Variants in ATP5PO observed in about 807,000 individuals in gnomAD.
ATP5PO encodes ATP synthase peripheral stalk subunit OSCP.
Under a neutral mutation model 26.2 loss-of-function variants are expected in ATP5PO, and 14 were observed. That is an observed-to-expected ratio of 0.53 (90% confidence interval 0.35 to 0.83). The LOEUF is 0.83. Ranked by LOEUF, ATP5PO falls within the 40% of genes least tolerant of loss-of-function variation. The pLI is 0.01. For missense variants in ATP5PO, 241 were observed against 258.5 expected (o/e 0.93, Z 0.46); for synonymous variants, 106 against 95.1 (o/e 1.12, Z -0.67).
intron 1 of ATP5PO, 133 bp downstream of exon 1, chr21:33,915,595 C>T: frequency 7.3e-7 from 1 of 1,360,688 alleles, no homozygotes; most frequent in Non-Finnish European, 9.9e-7. Context: ...GTCGCTCCCA[C>T]TCGCCAGGTC....
chr21:33,905,932 A>AAAAAAAAAAAAAAAAAAAAAAT (rs1987165846), intron 5 of ATP5PO, among the ~76,000 whole-genome samples: 1 of 150,956 alleles, frequency 6.6e-6, no homozygotes, highest in Non-Finnish European at 1.5e-5. Context: ...AAAAAAAAAA[A>AAAAAAAAAAAAAAAAAAAAAAT]AAAAAAGAAA....
At chr21:33,908,169 CAAAA>C (rs34768404) in intron 4 of ATP5PO, among the ~76,000 whole-genome samples, 3,913 of 97,640 alleles carry the variant, frequency 0.04, 166 homozygotes, top group African/African-American at 0.15. Context: ...CACCCAGGCT[CAAAA>C]AAAAAAAAAA....
chr21:33,908,919 G>A lies in ATP5PO; in HGVS notation c.328+163C>T. ...TCAATGTGCAAACGATTCACTTAGGGAGCTGGTTAAGATACAGACTCTGAT... is the reference window on the plus strand; with the variant it reads ...TCAATGTGCAAACGATTCACTTAGGAAGCTGGTTAAGATACAGACTCTGAT... On this transcript the variant is annotated intron_variant, in intron 4 of 6. Transcript: ENST00000290299. The A allele has an allele frequency of 4.2e-6, 3 of 710,026 alleles. No homozygotes were observed. In the East Asian group the frequency reaches 8.3e-5, roughly 20 times the overall value. 44.0% of individuals were successfully genotyped at this position (710,026 alleles called of 1,614,324 possible). A position where few individuals can be genotyped will look rare whatever the true frequency, so the allele number is the denominator to read the frequency against.
intron 3 of ATP5PO, among the ~76,000 whole-genome samples, chr21:33,911,698 T>C (rs1020732563): frequency 7.9e-6 from 1 of 126,752 alleles, no homozygotes; most frequent in Admixed American, 9.6e-5. Flanking sequence ...AGACGGAGTC[T>C]CGTACCGTCC....
At chr21:33,912,501 C>G (rs1987263015) in intron 2 of ATP5PO, 102 bp from the exon 3 acceptor site, 1 of 724,510 alleles carries the variant, frequency 1.4e-6, no homozygotes, top group African/African-American at 1.8e-5. Context: ...AAAAATGTAT[C>G]TCTTTAACAC....
chr21:33,909,137 G>C lies in ATP5PO; in HGVS notation c.273C>G (p.Ser91Arg), dbSNP rs766863000. The C allele has an allele frequency of 4.3e-6, 7 of 1,613,266 alleles. No homozygotes were observed. The East Asian group carries it at 1.6e-4, about 36-fold the overall frequency. Residue 91 changes from serine (S) to arginine (R), a missense_variant, in exon 4 of 7, where the codon AGC becomes AGG. Ser to Arg is a moderately radical substitution (Grantham distance 110). This residue lies in a region of ATP5PO where 125 missense variants were observed against 108.5 expected (regional missense o/e 1.15). Transcript: ENST00000290299. ...PYVKRSIKVK[S>R]LNDITAKERF... Reference sequence around the variant, plus strand: ...TCTCTTTTGCTGTGATGTCATTTAGGCTTTTCACTTTAATGGAACGCTTCA... The same window carrying C: ...TCTCTTTTGCTGTGATGTCATTTAGCCTTTTCACTTTAATGGAACGCTTCA...
At chr21:33,909,507 C>A (rs1987221431) in intron 3 of ATP5PO, among the ~76,000 whole-genome samples, 1 of 152,160 alleles carries the variant, frequency 6.6e-6, no homozygotes, top group African/African-American at 2.4e-5. Flanking sequence ...CTCGAGTGAT[C>A]CACCCACCTC....
chr21:33,912,032 C>T (rs1433674583), intron 3 of ATP5PO, among the ~76,000 whole-genome samples: 6 of 152,096 alleles, frequency 3.9e-5, no homozygotes, highest in Non-Finnish European at 7.4e-5. Flanking sequence ...AATTACCATC[C>T]ATTTTAATCT....
Position 33,915,749 on chromosome 21 carries a change from T to C in ATP5PO, c.15A>G (p.Ala5=). MAAP[A]VSGLSRQVRC... Reference sequence around the variant, plus strand: ...TCACCTGCCGGGAGAGCCCGGACACTGCTGGGGCAGCCATCTTCTCCCGGG... The same window carrying C: ...TCACCTGCCGGGAGAGCCCGGACACCGCTGGGGCAGCCATCTTCTCCCGGG... The change falls in exon 1 of 7, where the codon GCA becomes GCG. Residue 5 remains alanine (A), a synonymous_variant. Coordinates refer to ENST00000290299, the MANE Select transcript of ATP5PO (RefSeq NM_001697.3). 6.3e-7 allele frequency: 1 copy of C among 1,577,034 alleles called. No individual in the cohort carries two copies. The highest frequency in any genetic ancestry group is 8.6e-7 in the Non-Finnish European group (1 of 1,161,476).
intron 2 of ATP5PO, 65 bp downstream of exon 2, chr21:33,914,385 T>G: frequency 6.6e-7 from 1 of 1,504,190 alleles, no homozygotes. Context: ...ACGCCCTGAC[T>G]GTACTGCTGT....
chr21:33,904,987 C>G (rs557485988), intron 5 of ATP5PO, among the ~76,000 whole-genome samples: 1 of 152,052 alleles, frequency 6.6e-6, no homozygotes, highest in African/African-American at 2.4e-5. Flanking sequence ...GTGATCCACC[C>G]GCTGCAGTCT....
At chr21:33,910,550 ACT>A (rs1179897023) in intron 3 of ATP5PO, among the ~76,000 whole-genome samples, 1 of 152,118 alleles carries the variant, frequency 6.6e-6, no homozygotes, top group South Asian at 2.1e-4. Context: ...CTTTAGACAA[ACT>A]CTATTCTAAT....
intron 5 of ATP5PO, among the ~76,000 whole-genome samples, chr21:33,904,322 A>G (rs1987141167): frequency 6.6e-6 from 1 of 152,196 alleles, no homozygotes; most frequent in Non-Finnish European, 1.5e-5. Flanking sequence ...ACTTGGAACT[A>G]ACAAGGAAAG....
Position 33,908,169 on chromosome 21 carries a change from C to CAAA in ATP5PO, c.329-719_329-717dup, listed in dbSNP as rs34768404. On this transcript the variant is annotated intron_variant, in intron 4 of 6. Transcript: ENST00000290299. ...GGTGACAGAAAGGGACACCCAGGCT[C>CAAA]AAAAAAAAAAAAAAAAAAAAAGAAT... Among the ~76,000 whole-genome samples, 517 of 97,594 alleles carry CAAA rather than the reference C, an allele frequency of 5.3e-3. 7 individuals are homozygous for CAAA. The highest frequency in any genetic ancestry group is 0.019 in the African/African-American group (488 of 25,152). The allele number at this position is 97,594 out of a possible 152,430, so 64.0% of individuals were successfully genotyped here.
rs531894782 is a variant in ATP5PO at position 33,915,501 on chromosome 21, G to C, written c.36+227C>G. 1.3e-5 allele frequency: 8 copies of C among 599,282 alleles called. No homozygotes were observed. In the East Asian group the frequency reaches 1.6e-4, roughly 12 times the overall value. The allele number at this position is 599,282 out of a possible 1,614,324, so 37.1% of individuals were successfully genotyped here. On this transcript the variant is annotated intron_variant, in intron 1 of 6. Coordinates refer to ENST00000290299, the MANE Select transcript of ATP5PO (RefSeq NM_001697.3). ...CTAGCAGCTTCCAGGGGCTGTGCTC[G>C]GAAGACGCCAAGGTTACGGCACGCG...
Position 33,907,331 on chromosome 21 carries a change from C to T in ATP5PO, c.441+10G>A, listed in dbSNP as rs549004681. On this transcript the variant is annotated intron_variant, in intron 5 of 6. Transcript: ENST00000290299. Reference sequence around the variant, plus strand: ...CAAGGCAAACACAGCAGCAACAACCCGTTACTTACAGATGCAGAGGTCACT... The same window carrying T: ...CAAGGCAAACACAGCAGCAACAACCTGTTACTTACAGATGCAGAGGTCACT... 13 of 1,602,230 alleles carry T rather than the reference C, an allele frequency of 8.1e-6. 1 individual carries two copies. The highest frequency in any genetic ancestry group is 4.5e-5 in the East Asian group (2 of 44,738).
At chr21:33,907,699 G>A (rs2148605976) in intron 4 of ATP5PO, among the ~76,000 whole-genome samples, 1 of 152,316 alleles carries the variant, frequency 6.6e-6, no homozygotes, top group East Asian at 1.9e-4. Flanking sequence ...GGTGGTGCAT[G>A]TCTATAGTCC....
intron 5 of ATP5PO, among the ~76,000 whole-genome samples, chr21:33,905,333 G>A (rs1355796123): frequency 6.6e-6 from 1 of 151,900 alleles, no homozygotes; most frequent in Admixed American, 6.6e-5. Flanking sequence ...CCCTTCATGT[G>A]GGCAACCCTG....
At chr21:33,913,848 C>T (rs1184536880) in intron 2 of ATP5PO, among the ~76,000 whole-genome samples, 1 of 151,888 alleles carries the variant, frequency 6.6e-6, no homozygotes, top group Non-Finnish European at 1.5e-5. Flanking sequence ...GGCATGATCT[C>T]TGCTCACTAC....
Sources: allele counts gnomAD v4.1 joint callset (sites outside exome capture counted in the v4.1 genomes callset), GRCh38; gene constraint gnomAD v4.1.1; regional missense constraint gnomAD v4.1.1; transcripts MANE v1.5; gene names NCBI Gene and HGNC (gene_info 2026-07-23, HGNC 2026-07-21).